The following FAT4 variants were observed in gnomAD, a reference collection of about 807,000 sequenced individuals.
FAT4 encodes the protein protocadherin Fat 4.
In FAT4, 84 loss-of-function variants were observed where a neutral mutation model predicts 303.9. The ratio of observed to expected loss-of-function variants is 0.28; its 90% confidence interval spans 0.23 to 0.33. The LOEUF is 0.33. FAT4 is among the 10% of genes least tolerant of loss of function. The pLI is 1.00. For missense variants in FAT4, 6,005 were observed against 6,146.8 expected (o/e 0.98, Z 0.77); for synonymous variants, 2,307 against 2,298.8 (o/e 1.00, Z -0.10).
intron 3 of FAT4, among the ~76,000 whole-genome samples, chr4:125,403,493 A>G (rs1015867347): frequency 2.6e-5 from 4 of 151,928 alleles, no homozygotes; most frequent in Non-Finnish European, 5.9e-5. Flanking sequence ...CAGTCCTTAT[A>G]TGAGTGTTCC....
chr4:125,321,524 T>C lies in FAT4; in HGVS notation c.5113T>C (p.Tyr1705His). The change falls in exon 2 of 18, where the codon TAC becomes CAC. Residue 1705 changes from tyrosine to histidine, a missense_variant. Physicochemically the swap from Tyr to His is moderately conservative, Grantham distance 83 (BLOSUM62 2). Transcript: ENST00000394329. ...ILDREQGACL[Y>H]LVDVYAIEKS... ...GGACCGGGAGCAAGGAGCATGTCTT[T>C]ACCTGGTGGATGTTTATGCCATAGA... 1 of 1,614,042 alleles carries C rather than the reference T, an allele frequency of 6.2e-7. No homozygotes were observed. Among genetic ancestry groups the C allele is most frequent in the Non-Finnish European group, 8.5e-7 (1 of 1,179,946 alleles).
chr4:125,403,666 A>C (rs1440069859), intron 3 of FAT4, among the ~76,000 whole-genome samples: 2 of 152,162 alleles, frequency 1.3e-5, no homozygotes, highest in Non-Finnish European at 2.9e-5. Context: ...AATACACCGC[A>C]AATAAAATTT....
intron 3 of FAT4, among the ~76,000 whole-genome samples, chr4:125,401,120 A>G (rs923322399): frequency 1.3e-5 from 2 of 152,034 alleles, no homozygotes; most frequent in African/African-American, 4.8e-5. Flanking sequence ...TTTAAAGAAA[A>G]AGCTCACAAA....
At chr4:125,466,432 A>G (rs1396652867) in intron 11 of FAT4, among the ~76,000 whole-genome samples, 1 of 151,620 alleles carries the variant, frequency 6.6e-6, no homozygotes, top group African/African-American at 2.4e-5. Flanking sequence ...ACATAATACA[A>G]ATTTTTTCAG....
chr4:125,453,307 A>G (rs1389083791), intron 10 of FAT4, among the ~76,000 whole-genome samples: 1 of 152,186 alleles, frequency 6.6e-6, no homozygotes, highest in Non-Finnish European at 1.5e-5. Context: ...TTGATTCTTT[A>G]TCATCATCGT....
At position 125,320,318 on chromosome 4, in the gene FAT4, A is replaced by G; in HGVS notation, c.3907A>G (p.Ile1303Val). ...IPLNSTCTLN[I>V]DILDENDNTP... ...CCTCAATTCAACGTGTACTTTAAAT[A>G]TTGATATTTTAGATGAAAATGACAA... Residue 1303 changes from isoleucine to valine, a missense_variant, in exon 2 of 18, where the codon ATT becomes GTT. Coordinates refer to ENST00000394329, the MANE Select transcript of FAT4 (RefSeq NM_001291303.3). The G allele has an allele frequency of 6.2e-7, 1 of 1,613,400 alleles. No homozygotes were observed. Among genetic ancestry groups the G allele is most frequent in the Non-Finnish European group, 8.5e-7 (1 of 1,179,360 alleles).
intron 12 of FAT4, among the ~76,000 whole-genome samples, chr4:125,474,004 T>G (rs1321579734): frequency 3.9e-5 from 6 of 152,048 alleles, no homozygotes; most frequent in Non-Finnish European, 8.8e-5. Context: ...CTCTAAGCTT[T>G]AAGTCATTGC....
intron 2 of FAT4, among the ~76,000 whole-genome samples, chr4:125,385,971 ATTTC>A (rs751413801): frequency 1.5e-4 from 23 of 152,054 alleles, no homozygotes; most frequent in Non-Finnish European, 2.6e-4. Context: ...TTTGTGATTT[ATTTC>A]TTTATTTTTC....
At chr4:125,361,977 A>T (rs1732692342) in intron 2 of FAT4, among the ~76,000 whole-genome samples, 1 of 152,026 alleles carries the variant, frequency 6.6e-6, no homozygotes, top group African/African-American at 2.4e-5. Flanking sequence ...TAAGTCCCAG[A>T]TTCTATTATT....
intron 7 of FAT4, among the ~76,000 whole-genome samples, chr4:125,421,140 C>T (rs531633568): frequency 1.3e-5 from 2 of 152,110 alleles, no homozygotes; most frequent in African/African-American, 2.4e-5. Flanking sequence ...CCAGGCTGGT[C>T]TCGAACCCCT....
In FAT4 at chr4:125,446,023, T is replaced by C. The variant is rs1477584428; in HGVS notation, c.7200-270T>C. On this transcript the variant is annotated intron_variant, in intron 8 of 17. Transcript: ENST00000394329. ...TTTATTTAAAGCCTTAGGGGTTTGT[T>C]TGGTGGCCTTGCACAACTTAAGAGT... 3 of 266,342 alleles carry C rather than the reference T, an allele frequency of 1.1e-5. No individual in the cohort carries two copies. The East Asian group carries it at 2.1e-4, about 19-fold the overall frequency. The allele number at this position is 266,342 out of a possible 1,614,324, so 16.5% of individuals were successfully genotyped here.
At chr4:125,323,095 A>C (rs1377242766) in intron 2 of FAT4, among the ~76,000 whole-genome samples, 1 of 152,192 alleles carries the variant, frequency 6.6e-6, no homozygotes, top group African/African-American at 2.4e-5. Context: ...ATATTTGATT[A>C]GTTTGAAAAC....
intron 10 of FAT4, among the ~76,000 whole-genome samples, chr4:125,457,423 G>T (rs1435241863): frequency 6.6e-6 from 1 of 151,970 alleles, no homozygotes; most frequent in East Asian, 1.9e-4. Flanking sequence ...TTATTTTCAA[G>T]TCTGTAACCA....
At chr4:125,412,466 T>A (rs1297729139) in intron 5 of FAT4, among the ~76,000 whole-genome samples, 1 of 151,900 alleles carries the variant, frequency 6.6e-6, no homozygotes, top group Non-Finnish European at 1.5e-5. Context: ...AATATATTTG[T>A]CATTATGTAT....
chr4:125,441,534 A>C (rs1725660491), intron 8 of FAT4, among the ~76,000 whole-genome samples: 1 of 152,260 alleles, frequency 6.6e-6, no homozygotes, highest in Non-Finnish European at 1.5e-5. Context: ...CAGCAAGCAC[A>C]AAAACATGCC....
intron 5 of FAT4, among the ~76,000 whole-genome samples, chr4:125,412,983 G>C (rs115401398): frequency 6.6e-6 from 1 of 151,496 alleles, no homozygotes; most frequent in Non-Finnish European, 1.5e-5. Context: ...GTAATTAAAC[G>C]TAACTATATA....
intron 2 of FAT4, among the ~76,000 whole-genome samples, chr4:125,363,371 C>G (rs1293455489): frequency 6.6e-6 from 1 of 151,748 alleles, no homozygotes; most frequent in African/African-American, 2.4e-5. Context: ...CTGATTTGCT[C>G]CTCGTTTTAG....
At chr4:125,409,447 G>C (rs552998396) in intron 5 of FAT4, among the ~76,000 whole-genome samples, 4 of 152,012 alleles carry the variant, frequency 2.6e-5, no homozygotes, top group Non-Finnish European at 2.9e-5. Context: ...GTAGAGACGG[G>C]GTTTCTCCAT....
intron 9 of FAT4, among the ~76,000 whole-genome samples, chr4:125,447,746 A>C (rs974164879): frequency 4.6e-5 from 7 of 152,104 alleles, no homozygotes; most frequent in Admixed American, 6.6e-5. Context: ...TTTTTACGAC[A>C]ATCTGTTTCA....
Sources: gnomAD v4.1 joint callset for allele counts (sites outside exome capture counted in the v4.1 genomes callset) on GRCh38, gnomAD v4.1.1 for gene constraint, MANE v1.5 for transcripts, NCBI Gene and HGNC (gene_info 2026-07-23, HGNC 2026-07-21) for gene names.